The following ZZZ3 variants were observed in gnomAD, a reference collection of about 807,000 sequenced individuals.
ZZZ3 encodes ZZ-type zinc finger-containing protein 3.
ZZZ3 carries 22 observed loss-of-function variants against 95.2 expected under a neutral mutation model. The observed-to-expected ratio is 0.23, with a 90% CI of 0.17 to 0.33. ZZZ3 has a LOEUF of 0.33. Ranked by LOEUF, ZZZ3 falls within the 10% of genes least tolerant of loss-of-function variation. The pLI is 1.00. For missense variants in ZZZ3, 885 were observed against 1,066.5 expected, an observed-to-expected ratio of 0.83 and a Z score of 2.37; for synonymous variants, 335 against 358.9, an observed-to-expected ratio of 0.93 and a Z score of 0.75.
intron 5 of ZZZ3, among the ~76,000 whole-genome samples, chr1:77,599,347 T>C (rs986676669): frequency 2.6e-5 from 4 of 151,990 alleles, no homozygotes; most frequent in African/African-American, 9.7e-5. Flanking sequence ...TCCACAAATA[T>C]TTATTGAATA....
chr1:77,581,175 AT>A, intron 8 of ZZZ3, 106 bp from the exon 9 acceptor site: 1 of 871,952 alleles, frequency 1.1e-6, no homozygotes, highest in Non-Finnish European at 1.8e-6. Context: ...ATTTCAAAAT[AT>A]TTGAGTAAAT....
Position 77,629,362 on chromosome 1 carries a change from A to G in ZZZ3, c.1505+2488T>C, listed in dbSNP as rs145766261. Among the ~76,000 whole-genome samples the G allele has an allele frequency of 2.6e-5, 4 of 152,328 alleles. No individual in the cohort carries two copies. In the East Asian group the frequency reaches 7.7e-4, roughly 29 times the overall value. On this transcript the variant is annotated intron_variant, in intron 5 of 14. Coordinates refer to ENST00000370801, the MANE Select transcript of ZZZ3 (RefSeq NM_015534.6). Reference sequence around the variant, plus strand: ...GCCAGGTTAGGTGGTTCATGCCTGTAATCCCAGCACTTTGGGAGGCCAAGG... The same window carrying G: ...GCCAGGTTAGGTGGTTCATGCCTGTGATCCCAGCACTTTGGGAGGCCAAGG...
intron 5 of ZZZ3, among the ~76,000 whole-genome samples, chr1:77,620,477 GAAA>G (rs1557733248): frequency 1.2e-4 from 17 of 136,016 alleles, no homozygotes; most frequent in African/African-American, 4.6e-4. Context: ...AAGAAAGAAC[GAAA>G]GAATGGAAGG....
At chr1:77,575,148 C>A (rs917484402) in intron 12 of ZZZ3, among the ~76,000 whole-genome samples, 1 of 152,114 alleles carries the variant, frequency 6.6e-6, no homozygotes, top group African/African-American at 2.4e-5. Flanking sequence ...TGCACCACTG[C>A]ACTCCTGCCT....
chr1:77,582,475 G>C (rs982578258), intron 6 of ZZZ3, among the ~76,000 whole-genome samples: 1 of 152,042 alleles, frequency 6.6e-6, no homozygotes, highest in Non-Finnish European at 1.5e-5. Flanking sequence ...TATGAACTAG[G>C]AGGAATTTTT....
At chr1:77,640,093 C>T (rs1029724636) in intron 3 of ZZZ3, among the ~76,000 whole-genome samples, 1 of 151,988 alleles carries the variant, frequency 6.6e-6, no homozygotes, top group African/African-American at 2.4e-5. Flanking sequence ...TATAGGAAAA[C>T]CTTGATGCTT....
chr1:77,596,678 T>C (rs769079784), intron 5 of ZZZ3, among the ~76,000 whole-genome samples: 22 of 152,088 alleles, frequency 1.4e-4, no homozygotes, highest in Admixed American at 3.3e-4. Flanking sequence ...GAACTGTACA[T>C]AGCACTGTAT....
chr1:77,660,563 T>C (rs1383129039), intron 1 of ZZZ3, among the ~76,000 whole-genome samples: 2 of 152,212 alleles, frequency 1.3e-5, no homozygotes, highest in Non-Finnish European at 2.9e-5. Context: ...CCTTCCTTTT[T>C]AGAGGTAAAT....
intron 1 of ZZZ3, among the ~76,000 whole-genome samples, chr1:77,682,310 G>C (rs1047968224): frequency 2.6e-5 from 4 of 152,248 alleles, no homozygotes; most frequent in Non-Finnish European, 5.9e-5. Context: ...CTTAAAGTAA[G>C]AGGAACGGTA....
chr1:77,629,695 G>A (rs932212966), intron 5 of ZZZ3, among the ~76,000 whole-genome samples: 1 of 152,120 alleles, frequency 6.6e-6, no homozygotes, highest in Non-Finnish European at 1.5e-5. Flanking sequence ...AAAAAGGCAA[G>A]AATCAGTAAT....
At chr1:77,612,781 G>A (rs368258188) in intron 5 of ZZZ3, among the ~76,000 whole-genome samples, 1 of 152,006 alleles carries the variant, frequency 6.6e-6, no homozygotes, top group East Asian at 1.9e-4. Context: ...GGATACCACT[G>A]GCAGGGGGGT....
At chr1:77,577,325 T>G (rs966731809) in intron 11 of ZZZ3, among the ~76,000 whole-genome samples, 2 of 152,224 alleles carry the variant, frequency 1.3e-5, no homozygotes, top group Non-Finnish European at 2.9e-5. Context: ...CATGGTTACA[T>G]CTATAAAATT....
chr1:77,653,620 GCA>G (rs1670003909), intron 1 of ZZZ3, among the ~76,000 whole-genome samples: 1 of 152,110 alleles, frequency 6.6e-6, no homozygotes, highest in Non-Finnish European at 1.5e-5. Flanking sequence ...AGGCGCAGTG[GCA>G]CATGCCTGTA....
intron 5 of ZZZ3, among the ~76,000 whole-genome samples, chr1:77,585,240 T>C (rs146430783): frequency 1.2e-3 from 184 of 152,322 alleles, no homozygotes; most frequent in African/African-American, 4.3e-3. Context: ...GTTCAATTCT[T>C]AAGTATTAAT....
At chr1:77,610,136 T>G (rs368104049) in intron 5 of ZZZ3, among the ~76,000 whole-genome samples, 1 of 140,186 alleles carries the variant, frequency 7.1e-6, no homozygotes, top group African/African-American at 2.7e-5. Context: ...AAATCAGAGA[T>G]AAAAAAAAAA....
intron 1 of ZZZ3, among the ~76,000 whole-genome samples, chr1:77,643,342 T>C (rs146328169): frequency 9.5e-4 from 144 of 152,340 alleles, no homozygotes; most frequent in African/African-American, 3.3e-3. Context: ...TCTGCAAAAC[T>C]GTTATATGCT....
chr1:77,568,488 A>C, intron 12 of ZZZ3, 22 bp from the exon 13 acceptor site: 1 of 1,163,870 alleles, frequency 8.6e-7, no homozygotes, highest in Non-Finnish European at 1.2e-6. Flanking sequence ...AAAAAAAAAA[A>C]AAAATGTTGG....
chr1:77,581,228 A>G (rs1662490864), intron 8 of ZZZ3, among the ~76,000 whole-genome samples, 159 bp from the exon 9 acceptor site: 1 of 152,232 alleles, frequency 6.6e-6, no homozygotes, highest in Non-Finnish European at 1.5e-5. Flanking sequence ...CTGTTTACAA[A>G]ATGCCTTCAC....
intron 9 of ZZZ3, chr1:77,580,168 C>A (rs535513892): frequency 6.6e-6 from 1 of 152,336 alleles, no homozygotes; most frequent in Admixed American, 6.5e-5. Flanking sequence ...AATCTGGATG[C>A]TTGAAATAAA....
Sources: allele counts gnomAD v4.1 joint callset (sites outside exome capture counted in the v4.1 genomes callset), GRCh38; gene constraint gnomAD v4.1.1; transcripts MANE v1.5; gene names NCBI Gene and HGNC (gene_info 2026-07-23, HGNC 2026-07-21).